Variants in ANKS1B observed in about 807,000 individuals in gnomAD.
The protein encoded by ANKS1B is ankyrin repeat and sterile alpha motif domain-containing protein 1B.
In ANKS1B, 36 loss-of-function variants were observed where a neutral mutation model predicts 148.3. The observed-to-expected ratio is 0.24, with a 90% confidence interval of 0.19 to 0.32. The LOEUF (loss-of-function observed/expected upper bound fraction) is 0.32. ANKS1B is among the 10% of genes least tolerant of loss of function. ANKS1B has a pLI of 1.00. For synonymous variants in ANKS1B, 542 were observed against 560.8 expected (o/e 0.97, Z 0.47); for missense variants, 1,157 against 1,542.6 (o/e 0.75, Z 4.19).
At chr12:99,778,336 C>T (rs2063898211) in intron 6 of ANKS1B, among the ~76,000 whole-genome samples, 1 of 151,800 alleles carries the variant, frequency 6.6e-6, no homozygotes, top group Admixed American at 6.6e-5. Context: ...GGTAAAACCC[C>T]CTCTCTACTA....
At chr12:99,065,173 T>A (rs910223461) in intron 16 of ANKS1B, among the ~76,000 whole-genome samples, 1 of 152,210 alleles carries the variant, frequency 6.6e-6, no homozygotes, top group Non-Finnish European at 1.5e-5. Context: ...TTTCTGTCAT[T>A]CATGCAGCTA....
At chr12:99,471,648 G>GCACACACA (rs3050679) in intron 10 of ANKS1B, among the ~76,000 whole-genome samples, 4 of 148,952 alleles carry the variant, frequency 2.7e-5, no homozygotes, top group African/African-American at 4.9e-5. Context: ...ACATATGCGT[G>GCACACACA]CACACACACA....
At chr12:98,818,552 G>C (rs899936166) in intron 19 of ANKS1B, among the ~76,000 whole-genome samples, 2 of 152,096 alleles carry the variant, frequency 1.3e-5, no homozygotes, top group African/African-American at 2.4e-5. Context: ...ATAGCAATAT[G>C]GGCTGTTTTA....
intron 14 of ANKS1B, among the ~76,000 whole-genome samples, chr12:99,176,625 G>A (rs923793408): frequency 5.3e-5 from 8 of 152,138 alleles, no homozygotes; most frequent in Non-Finnish European, 1.0e-4. Context: ...AGTGTTGGAG[G>A]TGTTTGGATC....
chr12:99,924,486 G>A (rs930716057), intron 1 of ANKS1B, among the ~76,000 whole-genome samples: 2 of 152,116 alleles, frequency 1.3e-5, no homozygotes, highest in Admixed American at 6.5e-5. Flanking sequence ...AAGATGAGAT[G>A]CTTGTTACAT....
Position 99,284,842 on chromosome 12 carries a change from G to C in ANKS1B, c.1757-37978C>G, listed in dbSNP as rs11109796. 3.9e-4 allele frequency among the ~76,000 whole-genome samples: 59 copies of C among 152,116 alleles called. 1 individual carries two copies. Among genetic ancestry groups the C allele is most frequent in the Admixed American group, 9.2e-4 (14 of 15,286 alleles). On this transcript the variant is annotated intron_variant, in intron 12 of 26. Transcript: ENST00000683438. Reference sequence around the variant, plus strand: ...CTCCCTGCCCCTCTAACATCATATTGAGTCATTCTCTCCTTCACTATTCTC... The same window carrying C: ...CTCCCTGCCCCTCTAACATCATATTCAGTCATTCTCTCCTTCACTATTCTC...
chr12:99,227,810 A>T (rs763066953), intron 14 of ANKS1B, among the ~76,000 whole-genome samples: 10 of 152,182 alleles, frequency 6.6e-5, no homozygotes, highest in Non-Finnish European at 1.2e-4. Context: ...CGTAAGGTTA[A>T]TTAAGAGAGT....
rs566707530 is a variant in ANKS1B, at chr12:99,082,887, C to G, written c.2625+2038G>C. On this transcript the variant is annotated intron_variant, in intron 16 of 26. Transcript: ENST00000683438. The stretch of plus-strand genomic sequence containing the variant: ...TGAGTGCTTATCTATTTTTATGAAC[C>G]AGGCACTGTGCTAGGTGCTATAGAT... 2.6e-5 allele frequency among the ~76,000 whole-genome samples: 4 copies of G among 152,152 alleles called. No homozygotes were observed. The East Asian group carries it at 7.7e-4, about 29-fold the overall frequency.
At chr12:98,872,189 A>T (rs2099672402) in intron 17 of ANKS1B, among the ~76,000 whole-genome samples, 1 of 152,218 alleles carries the variant, frequency 6.6e-6, no homozygotes, top group Non-Finnish European at 1.5e-5. Flanking sequence ...CATATGTTGA[A>T]GCCCTAATTC....
Position 99,432,765 on chromosome 12 carries a change from C to CTTTCCAGACAATTCAA in ANKS1B, c.1575+10892_1575+10907dup, listed in dbSNP as rs2095398039. The stretch of plus-strand genomic sequence containing the variant: ...CAGTGTTAAGTCTCTGGGAGAAGGG[C>CTTTCCAGACAATTCAA]TTTCCAGACAATTCAATGATAAGTA... On this transcript the variant is annotated intron_variant, in intron 11 of 26. Transcript: ENST00000683438. Among the ~76,000 whole-genome samples the CTTTCCAGACAATTCAA allele has an allele frequency of 2.6e-5, 4 of 152,128 alleles. No homozygotes were observed. The South Asian group carries it at 8.3e-4, about 32-fold the overall frequency.
At chr12:99,023,654 A>G (rs975912332) in intron 17 of ANKS1B, among the ~76,000 whole-genome samples, 6 of 151,860 alleles carry the variant, frequency 4.0e-5, no homozygotes, top group Non-Finnish European at 7.4e-5. Context: ...CTTGACTTTA[A>G]TCAAATCAAT....
chr12:99,561,360 C>T (rs1019293549), intron 9 of ANKS1B, among the ~76,000 whole-genome samples: 4 of 152,176 alleles, frequency 2.6e-5, no homozygotes, highest in African/African-American at 9.7e-5. Context: ...ATTTCAACAA[C>T]ATTCACAGGA....
chr12:99,101,991 G>T (rs2058058565), intron 15 of ANKS1B, among the ~76,000 whole-genome samples: 1 of 152,154 alleles, frequency 6.6e-6, no homozygotes, highest in Admixed American at 6.6e-5. Context: ...ATTTGGGGAT[G>T]ATCAGGGCTG....
intron 10 of ANKS1B, among the ~76,000 whole-genome samples, chr12:99,496,428 A>G (rs2096605193): frequency 6.6e-6 from 1 of 152,208 alleles, no homozygotes; most frequent in African/African-American, 2.4e-5. Flanking sequence ...ATAATTAAAC[A>G]AGGTCTTTAG....
intron 26 of ANKS1B, among the ~76,000 whole-genome samples, chr12:98,746,790 G>A (rs925629099): frequency 6.6e-6 from 1 of 152,216 alleles, no homozygotes; most frequent in Admixed American, 6.5e-5. Flanking sequence ...GGACCAGCAA[G>A]TATTTGCCTG....
intron 1 of ANKS1B, among the ~76,000 whole-genome samples, chr12:99,970,348 T>A (rs1016766020): frequency 6.6e-6 from 1 of 152,148 alleles, no homozygotes; most frequent in Non-Finnish European, 1.5e-5. Context: ...AAAAGGTGTA[T>A]GATATACCCT....
At chr12:99,819,272 T>C (rs896168503) in intron 2 of ANKS1B, among the ~76,000 whole-genome samples, 5 of 151,898 alleles carry the variant, frequency 3.3e-5, no homozygotes, top group African/African-American at 1.2e-4. Context: ...CTCATAGATT[T>C]CTAGATTACA....
At chr12:99,422,832 T>A (rs947751147) in intron 11 of ANKS1B, among the ~76,000 whole-genome samples, 1 of 151,960 alleles carries the variant, frequency 6.6e-6, no homozygotes, top group African/African-American at 2.4e-5. Flanking sequence ...ATTAAAGAGA[T>A]AAGAACAAAA....
At chr12:99,626,026 C>T (rs1475881042) in intron 9 of ANKS1B, among the ~76,000 whole-genome samples, 1 of 152,100 alleles carries the variant, frequency 6.6e-6, no homozygotes, top group Non-Finnish European at 1.5e-5. Flanking sequence ...CATCTGTGAT[C>T]ATCAACTAAA....
Sources: allele counts gnomAD v4.1 joint callset (sites outside exome capture counted in the v4.1 genomes callset), GRCh38; gene constraint gnomAD v4.1.1; transcripts MANE v1.5; gene names NCBI Gene and HGNC (gene_info 2026-07-23, HGNC 2026-07-21).